PXDNL: variants seen among roughly 807,000 people sequenced by gnomAD.
PXDNL encodes the protein probable oxidoreductase PXDNL.
PXDNL carries 145 observed loss-of-function variants against 150.8 expected under a neutral mutation model. That is an observed-to-expected ratio of 0.96 (90% CI 0.84 to 1.10). The LOEUF is 1.10. PXDNL is among the 50% of genes least tolerant of loss of function. The pLI, the probability that PXDNL is intolerant of heterozygous loss-of-function variation, is 0.00. For missense variants in PXDNL, 2,087 were observed against 1,873.9 expected (o/e 1.11, Z -2.10); for synonymous variants, 757 against 725.7 (o/e 1.04, Z -0.69).
intron 17 of PXDNL, among the ~76,000 whole-genome samples, chr8:51,387,686 C>T (rs916636652): frequency 6.6e-6 from 1 of 152,136 alleles, no homozygotes; most frequent in Non-Finnish European, 1.5e-5. Context: ...TGAATGAATA[C>T]ATGAATATTA....
At chr8:51,363,523 C>T (rs978108454) in intron 19 of PXDNL, among the ~76,000 whole-genome samples, 1 of 152,064 alleles carries the variant, frequency 6.6e-6, no homozygotes, top group African/African-American at 2.4e-5. Context: ...CTGGGGGCTG[C>T]ATACACCGGT....
chr8:51,774,847 A>G (rs1202402786), intron 1 of PXDNL, among the ~76,000 whole-genome samples: 1 of 152,168 alleles, frequency 6.6e-6, no homozygotes, highest in Non-Finnish European at 1.5e-5. Flanking sequence ...AAAATAAAAA[A>G]TAATTCCCCT....
intron 12 of PXDNL, among the ~76,000 whole-genome samples, chr8:51,430,763 T>A (rs1809229098): frequency 6.6e-6 from 1 of 152,176 alleles, no homozygotes; most frequent in Non-Finnish European, 1.5e-5. Context: ...AATGCTAAAC[T>A]CCTTTACCCC....
intron 4 of PXDNL, among the ~76,000 whole-genome samples, chr8:51,509,573 C>T (rs1314436327): frequency 6.6e-6 from 1 of 151,990 alleles, no homozygotes; most frequent in Non-Finnish European, 1.5e-5. Flanking sequence ...GCCTCCCTGG[C>T]ATGCATGTGT....
At chr8:51,515,385 G>A (rs907826265) in intron 4 of PXDNL, among the ~76,000 whole-genome samples, 1 of 152,128 alleles carries the variant, frequency 6.6e-6, no homozygotes, top group Non-Finnish European at 1.5e-5. Flanking sequence ...AACCCACTGT[G>A]AACACATACC....
chr8:51,385,999 T>C lies in PXDNL; in HGVS notation c.3558-11268A>G, dbSNP rs1203001223. On this transcript the variant is annotated intron_variant, in intron 17 of 22. Coordinates refer to ENST00000356297, the MANE Select transcript of PXDNL (RefSeq NM_144651.5). ...ATCAAGCAGCATGAAAATGGACTAA[T>C]AGACCATGGTATTGATATAAAAGCA... Among the ~76,000 whole-genome samples the C allele has an allele frequency of 3.3e-5, 5 of 152,132 alleles. No individual in the cohort carries two copies. The South Asian group carries it at 8.3e-4, about 25-fold the overall frequency.
chr8:51,784,736 GA>G (rs60786114), intron 1 of PXDNL, among the ~76,000 whole-genome samples: 18 of 150,458 alleles, frequency 1.2e-4, no homozygotes, highest in African/African-American at 2.0e-4. Flanking sequence ...CCTGCAGTTA[GA>G]AAAAAAAAAT....
At chr8:51,349,278 A>G (rs75450664) in intron 19 of PXDNL, among the ~76,000 whole-genome samples, 1 of 152,028 alleles carries the variant, frequency 6.6e-6, no homozygotes, top group Non-Finnish European at 1.5e-5. Context: ...CTAGATTCTT[A>G]GTGGGTGAAA....
chr8:51,449,999 T>A (rs2129948386), intron 10 of PXDNL, among the ~76,000 whole-genome samples: 1 of 152,334 alleles, frequency 6.6e-6, no homozygotes, highest in South Asian at 2.1e-4. Flanking sequence ...CTGAGTATAC[T>A]TACAGTTATT....
In PXDNL at chr8:51,630,504, C is replaced by T. The variant is rs1187763884; in HGVS notation, c.236+24185G>A. Among the ~76,000 whole-genome samples, 7 of 151,956 alleles carry T rather than the reference C, an allele frequency of 4.6e-5. No homozygotes were observed. In the South Asian group the frequency reaches 6.2e-4, roughly 13 times the overall value. ...ATCAACAGAGTAAACAGACAGCCTA[C>T]AAAACGGGAGAAAATATTTGCAAAC... On this transcript the variant is annotated intron_variant, in intron 2 of 22. Transcript: ENST00000356297.
At chr8:51,532,022 C>T (rs919198379) in intron 4 of PXDNL, among the ~76,000 whole-genome samples, 6 of 152,148 alleles carry the variant, frequency 3.9e-5, no homozygotes, top group Non-Finnish European at 8.8e-5. Flanking sequence ...GCTTGCAAAT[C>T]GTTGTGATGG....
intron 4 of PXDNL, among the ~76,000 whole-genome samples, chr8:51,541,253 T>TAA (rs5891421): frequency 0.21 from 27,031 of 126,954 alleles, 2,929 homozygotes; most frequent in Admixed American, 0.3. Flanking sequence ...TGAGACTCCA[T>TAA]AAAAAAAAAA....
chr8:51,525,770 C>T (rs1347144049), intron 4 of PXDNL, among the ~76,000 whole-genome samples: 2 of 152,140 alleles, frequency 1.3e-5, no homozygotes, highest in Non-Finnish European at 2.9e-5. Flanking sequence ...CCGTGGTCAG[C>T]GGTCGCGATG....
intron 14 of PXDNL, among the ~76,000 whole-genome samples, chr8:51,420,109 A>G (rs1449184318): frequency 6.6e-6 from 1 of 152,186 alleles, no homozygotes; most frequent in African/African-American, 2.4e-5. Flanking sequence ...ATTGTGCATT[A>G]CTTTCTATGG....
intron 19 of PXDNL, among the ~76,000 whole-genome samples, chr8:51,364,998 T>G (rs1164012339): frequency 6.6e-6 from 1 of 152,184 alleles, no homozygotes; most frequent in East Asian, 1.9e-4. Flanking sequence ...TGGAGTGCAG[T>G]GGCATGATCT....
intron 1 of PXDNL, among the ~76,000 whole-genome samples, chr8:51,769,080 C>T (rs1232669257): frequency 6.6e-6 from 1 of 152,196 alleles, no homozygotes; most frequent in Non-Finnish European, 1.5e-5. Flanking sequence ...CCAGCCTGGG[C>T]AACAGAGCGA....
intron 17 of PXDNL, among the ~76,000 whole-genome samples, chr8:51,387,566 C>T (rs1386273855): frequency 6.6e-6 from 1 of 152,132 alleles, no homozygotes; most frequent in African/African-American, 2.4e-5. Flanking sequence ...GGTTCTAAGC[C>T]AGTGAGTGCT....
In PXDNL at chr8:51,608,115, C is replaced by T. The variant is rs1813902619; in HGVS notation, c.237-15417G>A. 1.4e-5 allele frequency among the ~76,000 whole-genome samples: 2 copies of T among 144,730 alleles called. 1 individual carries two copies. The highest frequency in any genetic ancestry group is 3.0e-5 in the Non-Finnish European group (2 of 66,508). The allele number at this position is 144,730 out of a possible 152,430, so 94.9% of individuals were successfully genotyped here. A position where few individuals can be genotyped will look rare whatever the true frequency, so the allele number is the denominator to read the frequency against. On this transcript the variant is annotated intron_variant, in intron 2 of 22. Coordinates refer to ENST00000356297, the MANE Select transcript of PXDNL (RefSeq NM_144651.5). ...CAAGCAAGCAAGCAAGCAAGCCGGGCACGGTCGCTCACGCCTGTAATCCCA... is the reference window on the plus strand; with the variant it reads ...CAAGCAAGCAAGCAAGCAAGCCGGGTACGGTCGCTCACGCCTGTAATCCCA...
intron 1 of PXDNL, among the ~76,000 whole-genome samples, chr8:51,683,250 A>G (rs1355107977): frequency 7.4e-6 from 1 of 134,490 alleles, no homozygotes; most frequent in Non-Finnish European, 1.6e-5. Flanking sequence ...ACCTCACCCC[A>G]ACTGATACCT....
Sources: gnomAD v4.1 joint callset for allele counts (sites outside exome capture counted in the v4.1 genomes callset) on GRCh38, gnomAD v4.1.1 for gene constraint, MANE v1.5 for transcripts, NCBI Gene and HGNC (gene_info 2026-07-23, HGNC 2026-07-21) for gene names.